SDR9C7: variants seen among roughly 807,000 people sequenced by gnomAD.
SDR9C7 encodes the protein short-chain dehydrogenase/reductase family 9C member 7.
SDR9C7 carries 11 observed loss-of-function variants against 23.6 expected under a neutral mutation model. That is an observed-to-expected ratio of 0.47 (90% confidence interval 0.29 to 0.77). The LOEUF (loss-of-function observed/expected upper bound fraction) is 0.77, where lower values mean the gene tolerates loss of function less well. Among genes scored for constraint, SDR9C7 ranks in the 30% least tolerant of loss-of-function variants. SDR9C7 has a pLI of 0.09. For synonymous variants in SDR9C7, 167 were observed against 157.3 expected (o/e 1.06, Z -0.46); for missense variants, 387 against 407.1 (o/e 0.95, Z 0.42).
intron 1 of SDR9C7, among the ~76,000 whole-genome samples, 163 bp from the exon 2 acceptor site, chr12:56,930,647 T>G (rs1955763418): frequency 6.6e-6 from 1 of 152,188 alleles, no homozygotes; most frequent in Non-Finnish European, 1.5e-5. Context: ...TACTAACTCG[T>G]TTTCCCTGAA....
chr12:56,923,936 C>T lies in SDR9C7; in HGVS notation c.839G>A (p.Gly280Asp). 6.2e-7 allele frequency: 1 copy of T among 1,614,078 alleles called. No homozygotes were observed. The change falls in exon 4 of 4, where the codon GGC (glycine) becomes GAC (aspartate). Residue 280 changes from glycine to aspartate, a missense_variant. By Grantham distance (94) the Gly-to-Asp change is moderately conservative (BLOSUM62 -1). Transcript: ENST00000293502. Reference protein sequence around the residue: ...SRSPRIRYNPGLDAKLLYIPL... With the variant: ...SRSPRIRYNPDLDAKLLYIPL... Reference sequence around the variant, plus strand: ...GATGTAGAGGAGTTTGGCATCCAGGCCAGGGTTGTAGCGGATGCGAGGGCT... The same window carrying T: ...GATGTAGAGGAGTTTGGCATCCAGGTCAGGGTTGTAGCGGATGCGAGGGCT...
At chr12:56,929,267 A>G in intron 3 of SDR9C7, 123 bp downstream of exon 3, 1 of 921,882 alleles carries the variant, frequency 1.1e-6, no homozygotes, top group Non-Finnish European at 1.7e-6. Context: ...CTGTGCCACT[A>G]TGTGACCTTG....
intron 1 of SDR9C7, among the ~76,000 whole-genome samples, chr12:56,931,679 C>T (rs1015986203): frequency 1.3e-5 from 2 of 152,086 alleles, no homozygotes; most frequent in Non-Finnish European, 2.9e-5. Flanking sequence ...AGAAGCTCTC[C>T]TTTCATTTGT....
intron 1 of SDR9C7, 106 bp downstream of exon 1, chr12:56,933,855 C>G: frequency 7.3e-7 from 1 of 1,367,766 alleles, no homozygotes; most frequent in Non-Finnish European, 9.9e-7. Flanking sequence ...CATCACCCCT[C>G]CCACCCAATC....
chr12:56,925,122 G>T (rs976316620), intron 3 of SDR9C7, among the ~76,000 whole-genome samples: 5 of 152,116 alleles, frequency 3.3e-5, no homozygotes, highest in South Asian at 2.1e-4. Context: ...CAGTCATAAG[G>T]CCACTGTCAC....
intron 3 of SDR9C7, among the ~76,000 whole-genome samples, chr12:56,929,140 C>T (rs932657942): frequency 6.6e-6 from 1 of 152,162 alleles, no homozygotes; most frequent in African/African-American, 2.4e-5. Context: ...TCACCTGATT[C>T]CCCTGCATCA....
At position 56,924,016 on chromosome 12, in the gene SDR9C7, T is replaced by C. The variant is rs1383856269; in HGVS notation, c.759A>G (p.Ala253=). Residue 253 remains alanine (A), a synonymous_variant, in exon 4 of 4, where the codon GCA becomes GCG. Coordinates refer to ENST00000293502, the MANE Select transcript of SDR9C7 (RefSeq NM_148897.3). Reference sequence around the variant, plus strand: ...TGATGACATCTCTGACTCTGGGCTCTGCCACCTGCATTATGTTTTTTAACT... The same window carrying C: ...TGATGACATCTCTGACTCTGGGCTCCGCCACCTGCATTATGTTTTTTAACT... The part of the protein sequence containing the change: ...TDKLKNIMQV[A]EPRVRDVINS... The C allele has an allele frequency of 6.2e-7, 1 of 1,613,970 alleles. No individual in the cohort carries two copies. The highest frequency in any genetic ancestry group is 8.5e-7 in the Non-Finnish European group (1 of 1,179,882).
Position 56,929,423 on chromosome 12 carries a change from G to A in SDR9C7, c.691C>T (p.Arg231Trp), listed in dbSNP as rs540839114. Residue 231 changes from arginine (R) to tryptophan (W), a missense_variant, in exon 3 of 4, where the codon CGG becomes TGG. Physicochemically the swap from Arg to Trp is moderately radical, Grantham distance 101 (BLOSUM62 -3). Transcript: ENST00000293502. ...KLWERLPQET[R>W]DSYGEDYFRI... Reference sequence around the variant, plus strand: ...AAATAATCCTCTCCGTAGCTGTCCCGGGTCTCCTGAGGCAGCCTCTCCCAA... The same window carrying A: ...AAATAATCCTCTCCGTAGCTGTCCCAGGTCTCCTGAGGCAGCCTCTCCCAA... 37 of 1,612,334 alleles carry A rather than the reference G, an allele frequency of 2.3e-5. No homozygotes were observed. The highest frequency in any genetic ancestry group is 8.8e-5 in the South Asian group (8 of 91,046).
chr12:56,925,335 G>A (rs1348348858), intron 3 of SDR9C7, among the ~76,000 whole-genome samples: 1 of 152,170 alleles, frequency 6.6e-6, no homozygotes, highest in Non-Finnish European at 1.5e-5. Flanking sequence ...CCCAGGACAG[G>A]GGGATTCATG....
At chr12:56,926,798 A>G (rs1955736808) in intron 3 of SDR9C7, among the ~76,000 whole-genome samples, 1 of 152,176 alleles carries the variant, frequency 6.6e-6, no homozygotes, top group South Asian at 2.1e-4. Flanking sequence ...CTTGTGTGAA[A>G]CATCCGCCAT....
intron 3 of SDR9C7, among the ~76,000 whole-genome samples, chr12:56,925,907 G>C (rs536846589): frequency 1.3e-5 from 2 of 152,190 alleles, no homozygotes; most frequent in Admixed American, 6.5e-5. Flanking sequence ...CACAGGCAGT[G>C]GGGTGGGAGA....
At chr12:56,927,757 G>A (rs1190117366) in intron 3 of SDR9C7, among the ~76,000 whole-genome samples, 1 of 152,244 alleles carries the variant, frequency 6.6e-6, no homozygotes, top group African/African-American at 2.4e-5. Context: ...GGCTCCCACA[G>A]GGGAGAGAGC....
In SDR9C7 at chr12:56,930,183, T is replaced by C. The variant is rs758490191; in HGVS notation, c.560+43A>G. 10 of 1,604,986 alleles carry C rather than the reference T, an allele frequency of 6.2e-6. No homozygotes were observed. In the East Asian group the frequency reaches 2.0e-4, roughly 32 times the overall value. ...GTCACTCCCAACCCTCTCTAATCTCTGGGATTTTCACCCAGAATTGTTCAG... is the reference window on the plus strand; with the variant it reads ...GTCACTCCCAACCCTCTCTAATCTCCGGGATTTTCACCCAGAATTGTTCAG... On this transcript the variant is annotated intron_variant, in intron 2 of 3. Coordinates refer to ENST00000293502, the MANE Select transcript of SDR9C7 (RefSeq NM_148897.3).
chr12:56,932,059 G>A (rs1006348197), intron 1 of SDR9C7, among the ~76,000 whole-genome samples: 3 of 152,186 alleles, frequency 2.0e-5, no homozygotes, highest in Non-Finnish European at 2.9e-5. Flanking sequence ...AGTGGCTTAG[G>A]CAAAATAATG....
chr12:56,932,687 C>T (rs983411415), intron 1 of SDR9C7, among the ~76,000 whole-genome samples: 1 of 152,190 alleles, frequency 6.6e-6, no homozygotes, highest in African/African-American at 2.4e-5. Context: ...AATTAATTAG[C>T]TCACTCAAAT....
At position 56,930,421 on chromosome 12, in the gene SDR9C7, G is replaced by GT. The variant is rs760309815; in HGVS notation, c.364dup (p.Thr122AsnfsTer4). 28 of 1,613,988 alleles carry GT rather than the reference G, an allele frequency of 1.7e-5. No homozygotes were observed. The South Asian group carries it at 3.1e-4, about 18-fold the overall frequency. ...AATCACCTTCACAAAGTCATCCTTGGTCAGCCATTCGTTGGGACCACTGGG... is the reference window on the plus strand; with the variant it reads ...AATCACCTTCACAAAGTCATCCTTGGTTCAGCCATTCGTTGGGACCACTGGG... On this transcript the variant is annotated frameshift_variant, in exon 2 of 4. Coordinates refer to ENST00000293502, the MANE Select transcript of SDR9C7 (RefSeq NM_148897.3). LOFTEE classifies it high-confidence loss of function.
chr12:56,931,905 G>T (rs1393647305), intron 1 of SDR9C7, among the ~76,000 whole-genome samples: 1 of 152,054 alleles, frequency 6.6e-6, no homozygotes, highest in Non-Finnish European at 1.5e-5. Context: ...TCCCTCTAGG[G>T]CTGGGGTCCC....
In SDR9C7 at chr12:56,923,199, C is replaced by G. The variant is rs1025625880; in HGVS notation, c.*634G>C. 1 of 151,918 alleles carries G rather than the reference C, an allele frequency of 6.6e-6. No homozygotes were observed. Among genetic ancestry groups the G allele is most frequent in the Non-Finnish European group, 1.5e-5 (1 of 68,014 alleles). The allele number at this position is 151,918 out of a possible 1,614,324, so 9.4% of individuals were successfully genotyped here. A position where few individuals can be genotyped will look rare whatever the true frequency, so the allele number is the denominator to read the frequency against. On this transcript the variant is annotated 3_prime_UTR_variant, in exon 4 of 4. Coordinates refer to ENST00000293502, the MANE Select transcript of SDR9C7 (RefSeq NM_148897.3). ...ATTCCCCCAGCACCTACAAAGTGCC[C>G]GGTAGGTAGTAGGCACTCAATAAAT...
At position 56,923,639 on chromosome 12, in the gene SDR9C7, G is replaced by A; in HGVS notation, c.*194C>T. 1.9e-6 allele frequency: 1 copy of A among 513,446 alleles called. No individual in the cohort carries two copies. The highest frequency in any genetic ancestry group is 3.1e-5 in the East Asian group (1 of 31,866). The allele number at this position is 513,446 out of a possible 1,614,324, so 31.8% of individuals were successfully genotyped here. A position where few individuals can be genotyped will look rare whatever the true frequency, so the allele number is the denominator to read the frequency against. ...AAAGACCACCTCAGGTTTCTGTGGGGTCCCAGAGGGTGGGAAGAGGCATTC... is the reference window on the plus strand; with the variant it reads ...AAAGACCACCTCAGGTTTCTGTGGGATCCCAGAGGGTGGGAAGAGGCATTC... On this transcript the variant is annotated 3_prime_UTR_variant, in exon 4 of 4. Transcript: ENST00000293502.
Sources: allele counts gnomAD v4.1 joint callset (sites outside exome capture counted in the v4.1 genomes callset), GRCh38; gene constraint gnomAD v4.1.1; transcripts MANE v1.5; gene names NCBI Gene and HGNC (gene_info 2026-07-23, HGNC 2026-07-21).